The following DENND4A variants were observed in gnomAD, a reference collection of about 807,000 sequenced individuals.
The protein encoded by DENND4A is DENN domain containing 4A, also known as C-myc promoter-binding protein.
In DENND4A, 70 loss-of-function variants were observed where a neutral mutation model predicts 199.3. The observed-to-expected ratio is 0.35, with a 90% CI of 0.29 to 0.43. DENND4A has a LOEUF of 0.43. DENND4A is among the 20% of genes least tolerant of loss of function. DENND4A has a pLI of 1.00. For missense variants in DENND4A, 1,723 were observed against 2,255.8 expected (o/e 0.76, Z 4.78); for synonymous variants, 686 against 766.9 (o/e 0.89, Z 1.74).
At chr15:65,722,798 A>G in intron 12 of DENND4A, 50 bp downstream of exon 12, 1 of 1,325,704 alleles carries the variant, frequency 7.5e-7, no homozygotes, top group Non-Finnish European at 1.0e-6. Flanking sequence ...AAGTAATTGG[A>G]GTCCCTTTTT....
At chr15:65,766,637 G>C (rs1162272275) in intron 1 of DENND4A, 2 of 152,094 alleles carry the variant, frequency 1.3e-5, no homozygotes, top group Non-Finnish European at 2.9e-5. Context: ...GGTGGTCCTG[G>C]AACTGGTCCC....
At chr15:65,791,657 G>A (rs1014004223) in intron 1 of DENND4A, among the ~76,000 whole-genome samples, 2 of 151,966 alleles carry the variant, frequency 1.3e-5, no homozygotes, top group Admixed American at 6.6e-5. Context: ...TCCGACTTAC[G>A]TAACGGGCTT....
chr15:65,772,085 C>A, intron 1 of DENND4A: 5 of 1,045,738 alleles, frequency 4.8e-6, no homozygotes, highest in Non-Finnish European at 7.5e-6. Flanking sequence ...TGCCAGCATT[C>A]AGAGCCTCCT....
At chr15:65,720,982 T>TATATATATATATATA (rs71447856) in intron 12 of DENND4A, among the ~76,000 whole-genome samples, 199 of 123,524 alleles carry the variant, frequency 1.6e-3, no homozygotes, top group Non-Finnish European at 2.2e-3. Context: ...TATATATATA[T>TATATATATATATATA]TTGTACTTTT....
intron 1 of DENND4A, among the ~76,000 whole-genome samples, chr15:65,785,144 A>G (rs1045012360): frequency 6.6e-6 from 1 of 151,584 alleles, no homozygotes; most frequent in African/African-American, 2.4e-5. Context: ...AAAAATCCAC[A>G]TGGCTTTTGT....
intron 24 of DENND4A, among the ~76,000 whole-genome samples, chr15:65,672,297 T>C (rs2076241418): frequency 6.6e-6 from 1 of 152,002 alleles, no homozygotes; most frequent in Non-Finnish European, 1.5e-5. Flanking sequence ...ATGAAAAAGA[T>C]TTAGTGGCAA....
chr15:65,700,609 A>G lies in DENND4A; in HGVS notation c.2768T>C (p.Val923Ala), dbSNP rs1429559819. 6 of 1,547,322 alleles carry G rather than the reference A, an allele frequency of 3.9e-6. No individual in the cohort carries two copies. The highest frequency in any genetic ancestry group is 5.2e-6 in the Non-Finnish European group (6 of 1,145,144). The change falls in exon 20 of 33, where the codon GTG becomes GCG. Residue 923 changes from valine (V) to alanine (A), a missense_variant. Val to Ala is a moderately conservative substitution (Grantham distance 64, BLOSUM62 0). Transcript: ENST00000443035. ...ACCCGTATTAAAAGGTGCCTGCTCC[A>G]CAGTGTGTGTCCCATGACCACTATC... ...SMDSGHGTHT[V>A]EQAPFNTGLI... is the part of the protein sequence containing the mutation.
chr15:65,764,325 T>G (rs768492545), intron 1 of DENND4A, among the ~76,000 whole-genome samples: 30 of 151,274 alleles, frequency 2.0e-4, no homozygotes, highest in Admixed American at 6.6e-4. Context: ...CAGCAAGACC[T>G]CATCTGGACA....
chr15:65,714,435 C>G (rs1007216756), intron 14 of DENND4A, among the ~76,000 whole-genome samples: 1 of 150,310 alleles, frequency 6.7e-6, no homozygotes, highest in Admixed American at 6.8e-5. Flanking sequence ...AAAAAAAAAA[C>G]CCAAAAACTT....
intron 1 of DENND4A, among the ~76,000 whole-genome samples, chr15:65,773,441 G>A (rs2077195262): frequency 6.6e-6 from 1 of 152,044 alleles, no homozygotes; most frequent in Non-Finnish European, 1.5e-5. Flanking sequence ...TATAACAGGA[G>A]TAATCACAGG....
intron 23 of DENND4A, 95 bp from the exon 24 acceptor site, chr15:65,676,729 T>G: frequency 1.1e-6 from 1 of 928,468 alleles, no homozygotes; most frequent in Non-Finnish European, 1.6e-6. Flanking sequence ...ATCACCTAAC[T>G]ACCCAGATGA....
chr15:65,755,966 G>C (rs2076690078), intron 3 of DENND4A, among the ~76,000 whole-genome samples, 174 bp downstream of exon 3: 1 of 152,108 alleles, frequency 6.6e-6, no homozygotes, highest in South Asian at 2.1e-4. Context: ...GGAACTTCAG[G>C]ATAAAGAGAG....
chr15:65,693,339 A>G (rs2077038360), intron 22 of DENND4A, among the ~76,000 whole-genome samples: 1 of 152,192 alleles, frequency 6.6e-6, no homozygotes, highest in Non-Finnish European at 1.5e-5. Flanking sequence ...GGGAGTTACC[A>G]GTGGCTATAC....
chr15:65,683,094 AATG>A (rs1203275599), intron 23 of DENND4A, among the ~76,000 whole-genome samples: 3 of 152,230 alleles, frequency 2.0e-5, no homozygotes, highest in Non-Finnish European at 4.4e-5. Context: ...GCTGTTGGAA[AATG>A]ATACCAATTG....
chr15:65,673,096 C>A (rs576962506), intron 24 of DENND4A, among the ~76,000 whole-genome samples: 2 of 151,884 alleles, frequency 1.3e-5, no homozygotes, highest in East Asian at 3.9e-4. Flanking sequence ...TCTTGACCCT[C>A]ATTATCTGTC....
At chr15:65,775,051 A>G (rs939846929) in intron 1 of DENND4A, among the ~76,000 whole-genome samples, 2 of 152,000 alleles carry the variant, frequency 1.3e-5, no homozygotes, top group Admixed American at 1.3e-4. Context: ...TATGCACTTC[A>G]TAAGCTTTAT....
chr15:65,787,108 A>G (rs2077585760), intron 1 of DENND4A, among the ~76,000 whole-genome samples: 1 of 152,144 alleles, frequency 6.6e-6, no homozygotes, highest in Admixed American at 6.6e-5. Flanking sequence ...GGGTGTATAC[A>G]TTTTTGCTAT....
intron 21 of DENND4A, chr15:65,696,917 C>A (rs1447222707): frequency 3.2e-6 from 1 of 317,424 alleles, no homozygotes; most frequent in East Asian, 7.9e-5. Flanking sequence ...AATCATCATG[C>A]TCATAAACTA....
intron 8 of DENND4A, among the ~76,000 whole-genome samples, chr15:65,732,110 C>G (rs1200681175): frequency 6.6e-6 from 1 of 152,066 alleles, no homozygotes; most frequent in Non-Finnish European, 1.5e-5. Context: ...CCCAGCTGCT[C>G]TTGTGCTGTA....
Sources: allele counts gnomAD v4.1 joint callset (sites outside exome capture counted in the v4.1 genomes callset), GRCh38; gene constraint gnomAD v4.1.1; transcripts MANE v1.5; gene names NCBI Gene and HGNC (gene_info 2026-07-23, HGNC 2026-07-21).